The following PIBF1 variants were observed in gnomAD, a reference collection of about 807,000 sequenced individuals.
PIBF1 encodes the protein progesterone-induced-blocking factor 1.
A neutral mutation model predicts 112.5 loss-of-function variants in PIBF1; 90 were observed. The ratio of observed to expected loss-of-function variants is 0.80; its 90% CI spans 0.67 to 0.95. The LOEUF is 0.95. Ranked by LOEUF, PIBF1 falls within the 40% of genes least tolerant of loss-of-function variation. The probability of loss-of-function intolerance (pLI) is 0.00; values close to 1 mark genes in which losing one functional copy is unlikely to be tolerated. For missense variants in PIBF1, 915 were observed against 852.3 expected (o/e 1.07, Z -0.92); for synonymous variants, 301 against 288.6 (o/e 1.04, Z -0.44).
Position 72,908,514 on chromosome 13 carries a change from TTC to T in PIBF1, c.1489-13_1489-12del. 1 of 1,565,498 alleles carries T rather than the reference TTC, an allele frequency of 6.4e-7. No homozygotes were observed. Among genetic ancestry groups the T allele is most frequent in the East Asian group, 2.3e-5 (1 of 43,904 alleles). ...CTGTTTAATTCTGCCTTTGTAATTC[TTC>T]TCTTTCACTATTAGGTTTTAACCAA... is the stretch of plus-strand genomic sequence containing the variant. On this transcript the variant is annotated splice_polypyrimidine_tract_variant and intron_variant, in intron 11 of 17. Coordinates refer to ENST00000326291, the MANE Select transcript of PIBF1 (RefSeq NM_006346.4).
intron 16 of PIBF1, among the ~76,000 whole-genome samples, chr13:72,988,505 C>T (rs1279191959): frequency 6.6e-6 from 1 of 152,000 alleles, no homozygotes; most frequent in Non-Finnish European, 1.5e-5. Context: ...CTGTTTTGTC[C>T]TTTATGTAGT....
At chr13:72,909,560 TCTC>T (rs1566435929) in intron 12 of PIBF1, among the ~76,000 whole-genome samples, 1 of 151,756 alleles carries the variant, frequency 6.6e-6, no homozygotes, top group Non-Finnish European at 1.5e-5. Flanking sequence ...AACGGTGTGA[TCTC>T]AGCTCACCTC....
At chr13:72,960,492 T>C (rs1486049250) in intron 14 of PIBF1, among the ~76,000 whole-genome samples, 1 of 152,274 alleles carries the variant, frequency 6.6e-6, no homozygotes, top group Non-Finnish European at 1.5e-5. Context: ...TGCTGCTGTA[T>C]ATTTTGTGCA....
intron 12 of PIBF1, among the ~76,000 whole-genome samples, chr13:72,911,309 C>T (rs1040908279): frequency 6.6e-6 from 1 of 152,058 alleles, no homozygotes; most frequent in Non-Finnish European, 1.5e-5. Flanking sequence ...AGCAATGAAA[C>T]AGACTAGAAA....
chr13:72,899,343 T>C lies in PIBF1; in HGVS notation c.1488+5394T>C, dbSNP rs141038344. On this transcript the variant is annotated intron_variant, in intron 11 of 17. Transcript: ENST00000326291. ...CAAAAAAGAAAACTACAGACTGATA[T>C]CTTTGATGAACATAAATGCTAAAAT... 2.3e-3 allele frequency among the ~76,000 whole-genome samples: 345 copies of C among 152,256 alleles called. 2 individuals carry two copies. Among genetic ancestry groups the C allele is most frequent in the Non-Finnish European group, 4.0e-3 (270 of 68,026 alleles).
At chr13:73,006,583 A>G (rs2044039605) in intron 17 of PIBF1, among the ~76,000 whole-genome samples, 1 of 152,200 alleles carries the variant, frequency 6.6e-6, no homozygotes, top group African/African-American at 2.4e-5. Flanking sequence ...AAGTAATGAT[A>G]TCTACCAGAC....
intron 16 of PIBF1, among the ~76,000 whole-genome samples, chr13:72,996,299 G>A (rs149313072): frequency 1.4e-5 from 2 of 147,882 alleles, no homozygotes; most frequent in Admixed American, 1.3e-4. Flanking sequence ...CAACTTCACT[G>A]TAAAAGGAAT....
At chr13:72,893,015 T>G (rs1452160645) in intron 10 of PIBF1, among the ~76,000 whole-genome samples, 2 of 152,212 alleles carry the variant, frequency 1.3e-5, no homozygotes, top group Non-Finnish European at 2.9e-5. Flanking sequence ...CTGACTAGCT[T>G]AATAAATATT....
chr13:73,003,210 C>T (rs949797851), intron 17 of PIBF1, among the ~76,000 whole-genome samples: 1 of 151,738 alleles, frequency 6.6e-6, no homozygotes, highest in Non-Finnish European at 1.5e-5. Flanking sequence ...ACATGATTCC[C>T]TAGAAGAGCT....
intron 5 of PIBF1, among the ~76,000 whole-genome samples, chr13:72,818,993 TCA>T (rs1278546737): frequency 2.0e-5 from 3 of 152,146 alleles, no homozygotes; most frequent in Non-Finnish European, 4.4e-5. Flanking sequence ...GTATTTCATT[TCA>T]CAGAGAAAAT....
At chr13:72,883,547 C>T (rs1200534908) in intron 10 of PIBF1, among the ~76,000 whole-genome samples, 1 of 152,174 alleles carries the variant, frequency 6.6e-6, no homozygotes, top group African/African-American at 2.4e-5. Flanking sequence ...AGTGTAGTGA[C>T]ATGATCTCTG....
At chr13:73,007,899 A>G (rs1160196445) in intron 17 of PIBF1, among the ~76,000 whole-genome samples, 1 of 152,176 alleles carries the variant, frequency 6.6e-6, no homozygotes, top group Non-Finnish European at 1.5e-5. Flanking sequence ...TCCATGATCT[A>G]TCTCAGGAGT....
chr13:72,894,057 C>CA (rs66856837), intron 11 of PIBF1, 108 bp downstream of exon 11: 17,407 of 82,770 alleles, frequency 0.21, 2,113 homozygotes, highest in African/African-American at 0.23. Flanking sequence ...CTATCCTGCA[C>CA]AAAAAAAAAA....
intron 16 of PIBF1, among the ~76,000 whole-genome samples, chr13:72,975,482 T>A (rs1383280743): frequency 6.6e-6 from 1 of 152,176 alleles, no homozygotes; most frequent in Non-Finnish European, 1.5e-5. Context: ...CTGGAAACTA[T>A]TACTGGAAGC....
At chr13:72,904,804 T>G (rs1048539999) in intron 11 of PIBF1, among the ~76,000 whole-genome samples, 1 of 152,000 alleles carries the variant, frequency 6.6e-6, no homozygotes. Flanking sequence ...GAAAATACAC[T>G]TATAATACTA....
chr13:72,805,067 G>C (rs999372567), intron 5 of PIBF1, among the ~76,000 whole-genome samples: 1 of 152,070 alleles, frequency 6.6e-6, no homozygotes, highest in African/African-American at 2.4e-5. Context: ...TTTGCCTCCC[G>C]GGTTCAAGCG....
chr13:72,815,793 GT>G (rs2036240222), intron 5 of PIBF1, among the ~76,000 whole-genome samples: 1 of 152,176 alleles, frequency 6.6e-6, no homozygotes, highest in Non-Finnish European at 1.5e-5. Flanking sequence ...AGCCGCTTGA[GT>G]AGCTGGGAGT....
At chr13:72,910,066 G>T (rs1164003003) in intron 12 of PIBF1, among the ~76,000 whole-genome samples, 1 of 152,084 alleles carries the variant, frequency 6.6e-6, no homozygotes, top group African/African-American at 2.4e-5. Context: ...TCTAGGTAGG[G>T]TTCTAATTAT....
intron 15 of PIBF1, among the ~76,000 whole-genome samples, chr13:72,973,309 A>AG (rs1394345677): frequency 1.3e-5 from 2 of 151,784 alleles, no homozygotes; most frequent in Non-Finnish European, 2.9e-5. Context: ...AGAGAAAGAA[A>AG]AGAGGAGAGG....
Sources: allele counts gnomAD v4.1 joint callset (sites outside exome capture counted in the v4.1 genomes callset), GRCh38; gene constraint gnomAD v4.1.1; transcripts MANE v1.5; gene names NCBI Gene and HGNC (gene_info 2026-07-23, HGNC 2026-07-21).